Variants in ATP8A2 observed in about 807,000 individuals in gnomAD.
The protein encoded by ATP8A2 is phospholipid-transporting ATPase IB.
ATP8A2 carries 100 observed loss-of-function variants against 165.6 expected under a neutral mutation model. The ratio of observed to expected loss-of-function variants is 0.60; its 90% CI spans 0.51 to 0.71. The LOEUF (loss-of-function observed/expected upper bound fraction) is 0.71. Among genes scored for constraint, ATP8A2 ranks in the 30% least tolerant of loss-of-function variants. The pLI, the probability that ATP8A2 is intolerant of heterozygous loss-of-function variation, is 0.00. For synonymous variants in ATP8A2, 543 were observed against 548.8 expected, an observed-to-expected ratio of 0.99 and a Z score of 0.15; for missense variants, 1,227 against 1,479.5, an observed-to-expected ratio of 0.83 and a Z score of 2.80.
intron 33 of ATP8A2, among the ~76,000 whole-genome samples, chr13:25,885,087 GTCTC>G (rs1953102869): frequency 6.9e-6 from 1 of 145,836 alleles, no homozygotes; most frequent in South Asian, 2.2e-4. Context: ...CTGAGAGTCA[GTCTC>G]CTTTCTCCGC....
At position 25,850,242 on chromosome 13, in the gene ATP8A2, G is replaced by A. The variant is rs78807451; in HGVS notation, c.2957-9953G>A. On this transcript the variant is annotated intron_variant, in intron 30 of 36. Transcript: ENST00000381655. ...TTGTGTACCAGTGACGGGTGTCTGC[G>A]AGGAAGAGCTTGGCTCTTGGAGAAC... Among the ~76,000 whole-genome samples, 530 of 152,292 alleles carry A rather than the reference G, an allele frequency of 3.5e-3. 3 individuals carry two copies. Among genetic ancestry groups the A allele is most frequent in the African/African-American group, 0.012 (516 of 41,572 alleles).
Position 26,009,124 on chromosome 13 carries a change from T to C in ATP8A2, c.3378-3407T>C, listed in dbSNP as rs141797893. Among the ~76,000 whole-genome samples the C allele has an allele frequency of 9.2e-5, 14 of 152,358 alleles. No homozygotes were observed. In the East Asian group the frequency reaches 2.7e-3, roughly 29 times the overall value. On this transcript the variant is annotated intron_variant, in intron 35 of 36. Coordinates refer to ENST00000381655, the MANE Select transcript of ATP8A2 (RefSeq NM_016529.6). ...TATAAGGAATTTATATTTAAGACTT[T>C]ATTATTTTATTAAAATCTGAAGTAA...
chr13:25,535,284 TCTG>T (rs748378415), intron 6 of ATP8A2, among the ~76,000 whole-genome samples: 3 of 152,290 alleles, frequency 2.0e-5, no homozygotes, highest in East Asian at 1.9e-4. Flanking sequence ...GAAGCTCAGA[TCTG>T]CTGTCCCCTG....
Position 25,860,218 on chromosome 13 carries a change from G to C in ATP8A2, c.2980G>C (p.Ala994Pro), listed in dbSNP as rs764596333. ...AGATACTGTGTTGACAAGTGGTCATGCTACCGACTATTTATTTGTTGGAAA... is the reference window on the plus strand; with the variant it reads ...AGATACTGTGTTGACAAGTGGTCATCCTACCGACTATTTATTTGTTGGAAA... Reference protein sequence around the residue: ...EHDTVLTSGHATDYLFVGNIV... With the variant: ...EHDTVLTSGHPTDYLFVGNIV... The change falls in exon 31 of 37, where the codon GCT becomes CCT. Residue 994 changes from alanine (A) to proline (P), a missense_variant. Coordinates refer to ENST00000381655, the MANE Select transcript of ATP8A2 (RefSeq NM_016529.6). 1.2e-6 allele frequency: 2 copies of C among 1,612,400 alleles called. No individual in the cohort carries two copies. Among genetic ancestry groups the C allele is most frequent in the South Asian group, 1.1e-5 (1 of 90,946 alleles).
intron 24 of ATP8A2, among the ~76,000 whole-genome samples, chr13:25,596,457 G>C (rs2040238914): frequency 6.6e-6 from 1 of 152,118 alleles, no homozygotes; most frequent in Non-Finnish European, 1.5e-5. Flanking sequence ...CATATCCCCA[G>C]GCAAGCACGC....
At chr13:25,713,913 G>A (rs1050341581) in intron 25 of ATP8A2, among the ~76,000 whole-genome samples, 6 of 152,102 alleles carry the variant, frequency 3.9e-5, no homozygotes, top group East Asian at 3.9e-4. Flanking sequence ...TAAAAATTAC[G>A]TAGACTGTAC....
rs1195888885 is a variant in ATP8A2 at position 25,641,198 on chromosome 13, A to G, written c.2211+51499A>G. On this transcript the variant is annotated intron_variant, in intron 24 of 36. Transcript: ENST00000381655. ...CATTCCCTTTGAAAACTGGCACAAG[A>G]CAGGGATGCCCTCTCTCACCACTCC... Among the ~76,000 whole-genome samples the G allele has an allele frequency of 3.3e-5, 5 of 152,208 alleles. No homozygotes were observed. The South Asian group carries it at 1.0e-3, about 32-fold the overall frequency.
chr13:25,699,461 C>A, intron 25 of ATP8A2, 116 bp downstream of exon 25: 1 of 804,462 alleles, frequency 1.2e-6, no homozygotes, highest in East Asian at 3.1e-5. Flanking sequence ...CTAAAAAAGG[C>A]AAAACAAAAA....
intron 1 of ATP8A2, among the ~76,000 whole-genome samples, chr13:25,432,418 C>G (rs1414912154): frequency 2.6e-5 from 4 of 152,192 alleles, no homozygotes; most frequent in Non-Finnish European, 4.4e-5. Flanking sequence ...GAAACCCCAG[C>G]CACTGCATGT....
At chr13:25,885,231 G>A (rs1029994819) in intron 33 of ATP8A2, among the ~76,000 whole-genome samples, 4 of 148,904 alleles carry the variant, frequency 2.7e-5, no homozygotes, top group Non-Finnish European at 5.9e-5. Context: ...TCTTGCCTCA[G>A]TACCCCAAGT....
intron 2 of ATP8A2, among the ~76,000 whole-genome samples, chr13:25,528,058 A>T (rs892400317): frequency 6.6e-6 from 1 of 152,212 alleles, no homozygotes; most frequent in Non-Finnish European, 1.5e-5. Context: ...CCTCTAAGCC[A>T]TAGTTAAGAA....
intron 2 of ATP8A2, among the ~76,000 whole-genome samples, chr13:25,514,550 G>A (rs1160258469): frequency 6.6e-6 from 1 of 152,196 alleles, no homozygotes; most frequent in East Asian, 1.9e-4. Flanking sequence ...ACTCCTGGCT[G>A]TGGGTGTAGC....
intron 24 of ATP8A2, among the ~76,000 whole-genome samples, chr13:25,667,789 G>A (rs550504109): frequency 6.6e-6 from 1 of 151,300 alleles, no homozygotes; most frequent in South Asian, 2.1e-4. Flanking sequence ...TTTTTCTAGT[G>A]TACCCTTTTG....
chr13:25,828,672 A>C (rs1951380457), intron 28 of ATP8A2, among the ~76,000 whole-genome samples: 1 of 152,226 alleles, frequency 6.6e-6, no homozygotes, highest in Admixed American at 6.5e-5. Flanking sequence ...GAGCTAAAAT[A>C]ATGAATTCTG....
chr13:25,399,547 C>T (rs1428678564), intron 1 of ATP8A2, among the ~76,000 whole-genome samples: 4 of 85,426 alleles, frequency 4.7e-5, no homozygotes, highest in East Asian at 3.4e-4. Flanking sequence ...TACAGGAGCC[C>T]GCCACCACGC....
Position 25,679,867 on chromosome 13 carries a change from C to T in ATP8A2, c.2212-19306C>T, listed in dbSNP as rs931219025. Among the ~76,000 whole-genome samples the T allele has an allele frequency of 3.3e-5, 5 of 151,324 alleles. No homozygotes were observed. In the South Asian group the frequency reaches 6.3e-4, roughly 19 times the overall value. On this transcript the variant is annotated intron_variant, in intron 24 of 36. Coordinates refer to ENST00000381655, the MANE Select transcript of ATP8A2 (RefSeq NM_016529.6). Reference sequence around the variant, plus strand: ...AGTTGAGAACATAGATTGTTGATTGCGGATTAGGAAAAATAGGAGGTCAAG... The same window carrying T: ...AGTTGAGAACATAGATTGTTGATTGTGGATTAGGAAAAATAGGAGGTCAAG...
At chr13:26,005,264 C>T (rs1002601488) in intron 35 of ATP8A2, among the ~76,000 whole-genome samples, 2 of 151,880 alleles carry the variant, frequency 1.3e-5, no homozygotes, top group African/African-American at 2.4e-5. Flanking sequence ...ATCTAATGAC[C>T]CTTTATGTTT....
chr13:25,933,009 G>A (rs368441017), intron 33 of ATP8A2, among the ~76,000 whole-genome samples: 11 of 152,150 alleles, frequency 7.2e-5, no homozygotes, highest in South Asian at 2.1e-4. Flanking sequence ...ACCACACCTC[G>A]CTAATTTTTG....
At chr13:25,692,242 T>G (rs562195824) in intron 24 of ATP8A2, among the ~76,000 whole-genome samples, 58 of 152,336 alleles carry the variant, frequency 3.8e-4, no homozygotes, top group Middle Eastern at 3.4e-3. Context: ...GAAGGGAGTC[T>G]GCTCTGGAAC....
Sources: allele counts gnomAD v4.1 joint callset (sites outside exome capture counted in the v4.1 genomes callset), GRCh38; gene constraint gnomAD v4.1.1; transcripts MANE v1.5; gene names NCBI Gene and HGNC (gene_info 2026-07-23, HGNC 2026-07-21).